The following VTCN1 variants were observed in gnomAD, a reference collection of about 807,000 sequenced individuals.
The protein encoded by VTCN1 is V-set domain-containing T-cell activation inhibitor 1.
In VTCN1, 26 loss-of-function variants were observed where a neutral mutation model predicts 26.5. The observed-to-expected ratio is 0.98, with a 90% CI of 0.72 to 1.36. The LOEUF is 1.36. Among genes scored for constraint, VTCN1 ranks in the 40% most tolerant of loss-of-function variants. The probability of loss-of-function intolerance (pLI) is 0.00; values close to 1 mark genes in which losing one functional copy is unlikely to be tolerated. For missense variants in VTCN1, 298 were observed against 337.7 expected (o/e 0.88, Z 0.92); for synonymous variants, 116 against 130.7 (o/e 0.89, Z 0.77).
In VTCN1 at chr1:117,143,843, G is replaced by C. The variant is rs1357418269; in HGVS notation, c.*1428C>G. ...TGTGCTTCATGGAAGGTATATGTTT[G>C]TTGCCTTAATTTGAATTGTGGCCAG... On this transcript the variant is annotated 3_prime_UTR_variant, in exon 6 of 6. Transcript: ENST00000369458. 7.2e-5 allele frequency: 11 copies of C among 152,182 alleles called. No homozygotes were observed. The highest frequency in any genetic ancestry group is 7.2e-4 in the Admixed American group (11 of 15,284). The allele number at this position is 152,182 out of a possible 1,614,324, so 9.4% of individuals were successfully genotyped here.
rs1460876922 is a variant in VTCN1, at chr1:117,145,218, G to A, written c.*53C>T. The A allele has an allele frequency of 1.3e-5, 2 of 152,176 alleles. No individual in the cohort carries two copies. Among genetic ancestry groups the A allele is most frequent in the African/African-American group, 4.8e-5 (2 of 41,430 alleles). 9.4% of individuals were successfully genotyped at this position (152,176 alleles called of 1,614,324 possible). ...TCATATCTGGTGGTGAAATAGTTCT[G>A]TAGATCCCTGGGATTGTGGAAATAA... On this transcript the variant is annotated 3_prime_UTR_variant, in exon 6 of 6. Transcript: ENST00000369458. This position sits in a 1 kb window ranked among gnomAD's most constrained non-coding sequence, Gnocchi z 4.6.
Position 117,169,030 on chromosome 1 carries a change from A to G in VTCN1, c.97+1077T>C, listed in dbSNP as rs1053287563. 6.6e-6 allele frequency among the ~76,000 whole-genome samples: 1 copy of G among 152,266 alleles called. No homozygotes were observed. The highest frequency in any genetic ancestry group is 1.5e-5 in the Non-Finnish European group (1 of 68,046). Reference sequence around the variant, plus strand: ...GCCAGCATGTCTACACTGGAGAAGCATGGCAGAAAGGCCACTGGAATATAG... The same window carrying G: ...GCCAGCATGTCTACACTGGAGAAGCGTGGCAGAAAGGCCACTGGAATATAG... On this transcript the variant is annotated intron_variant, in intron 2 of 5. Coordinates refer to ENST00000369458, the MANE Select transcript of VTCN1 (RefSeq NM_024626.4). This position sits in a 1 kb window ranked among gnomAD's most constrained non-coding sequence, Gnocchi z 4.0.
intron 1 of VTCN1, among the ~76,000 whole-genome samples, chr1:117,205,051 GTA>G (rs569088045): frequency 1.8e-3 from 260 of 146,866 alleles, no homozygotes; most frequent in African/African-American, 6.3e-3. Context: ...TCCTGTATAT[GTA>G]TATATATGTA....
intron 1 of VTCN1, among the ~76,000 whole-genome samples, chr1:117,198,157 A>G (rs574615829): frequency 2.0e-4 from 30 of 152,120 alleles, no homozygotes; most frequent in African/African-American, 7.0e-4. Flanking sequence ...CTACCTTTCA[A>G]CTCTCATCTT....
chr1:117,166,480 C>A (rs1388178523), intron 2 of VTCN1, among the ~76,000 whole-genome samples: 2 of 151,904 alleles, frequency 1.3e-5, no homozygotes, highest in East Asian at 1.9e-4. Context: ...AGTGGCCTGG[C>A]GCGGTGGCTC....
In VTCN1 at chr1:117,175,075, A is replaced by T. The variant is rs1226327803; in HGVS notation, c.33-4904T>A. Among the ~76,000 whole-genome samples the T allele has an allele frequency of 6.6e-6, 1 of 151,710 alleles. No homozygotes were observed. The highest frequency in any genetic ancestry group is 2.4e-5 in the African/African-American group (1 of 40,966). On this transcript the variant is annotated intron_variant, in intron 1 of 5. Transcript: ENST00000369458. This position sits in a 1 kb window ranked among gnomAD's most constrained non-coding sequence, Gnocchi z 4.2. ...GGAGGGCCTGGTTCGATTCCCTCACATGCCTGCTTCAGCTGCTGCTGCCTT... is the reference window on the plus strand; with the variant it reads ...GGAGGGCCTGGTTCGATTCCCTCACTTGCCTGCTTCAGCTGCTGCTGCCTT...
intron 2 of VTCN1, among the ~76,000 whole-genome samples, chr1:117,164,824 G>A (rs994363448): frequency 5.9e-5 from 9 of 152,188 alleles, no homozygotes; most frequent in Admixed American, 4.6e-4. Context: ...CTTCCTTCTC[G>A]AAGGCTTATC....
intron 1 of VTCN1, among the ~76,000 whole-genome samples, chr1:117,197,896 A>G (rs1360147065): frequency 6.6e-6 from 1 of 152,150 alleles, no homozygotes; most frequent in Non-Finnish European, 1.5e-5. Context: ...AGTCTAAGTC[A>G]AGGGCTGTAC....
chr1:117,193,917 C>A (rs1478005127), intron 1 of VTCN1, among the ~76,000 whole-genome samples: 1 of 151,928 alleles, frequency 6.6e-6, no homozygotes, highest in East Asian at 1.9e-4. Context: ...CTCAAACTAC[C>A]AGAAGAAAAT....
intron 4 of VTCN1, among the ~76,000 whole-genome samples, chr1:117,149,067 G>T (rs1651658893): frequency 6.6e-6 from 1 of 152,212 alleles, no homozygotes; most frequent in Non-Finnish European, 1.5e-5. Context: ...AAGAGTGAAA[G>T]AGGGAGGAAG....
intron 1 of VTCN1, among the ~76,000 whole-genome samples, chr1:117,181,287 T>G (rs1383741346): frequency 6.6e-6 from 1 of 152,054 alleles, no homozygotes; most frequent in Admixed American, 6.6e-5. Flanking sequence ...TTATTTTTAC[T>G]TTTCACTATT....
At chr1:117,204,303 C>T (rs1648935207) in intron 1 of VTCN1, among the ~76,000 whole-genome samples, 2 of 152,130 alleles carry the variant, frequency 1.3e-5, no homozygotes, top group Admixed American at 1.3e-4. Flanking sequence ...ATTATTAATG[C>T]CCAATTTACT....
At chr1:117,179,184 A>G (rs2101549605) in intron 1 of VTCN1, among the ~76,000 whole-genome samples, 1 of 152,292 alleles carries the variant, frequency 6.6e-6, no homozygotes, top group African/African-American at 2.4e-5. Flanking sequence ...ATTGGGGGTC[A>G]TCCTGTGCAC....
chr1:117,173,990 G>A (rs1305450132), intron 1 of VTCN1, among the ~76,000 whole-genome samples: 1 of 152,200 alleles, frequency 6.6e-6, no homozygotes, highest in African/African-American at 2.4e-5. Context: ...ATTCCCTTGG[G>A]AAACAATTCA....
intron 2 of VTCN1, among the ~76,000 whole-genome samples, chr1:117,157,449 G>A (rs1422820627): frequency 2.0e-5 from 3 of 152,180 alleles, no homozygotes; most frequent in East Asian, 3.9e-4. Flanking sequence ...ACATGGTGGT[G>A]GCAAGAGAAA....
chr1:117,197,978 C>T (rs1435010218), intron 1 of VTCN1, among the ~76,000 whole-genome samples: 1 of 152,140 alleles, frequency 6.6e-6, no homozygotes, highest in Admixed American at 6.5e-5. Flanking sequence ...TGTACCAATG[C>T]CCCTGAAAGT....
intron 1 of VTCN1, among the ~76,000 whole-genome samples, chr1:117,172,116 G>A (rs2101526417): frequency 6.6e-6 from 1 of 152,216 alleles, no homozygotes; most frequent in Admixed American, 6.5e-5. Flanking sequence ...CAACACCCAC[G>A]CTGATGTTAC....
At chr1:117,182,460 C>T (rs984994660) in intron 1 of VTCN1, among the ~76,000 whole-genome samples, 7 of 152,144 alleles carry the variant, frequency 4.6e-5, no homozygotes, top group African/African-American at 1.7e-4. Context: ...CCAGACCCAC[C>T]CCTTGAGGGC....
At chr1:117,185,065 T>A (rs1426944431) in intron 1 of VTCN1, among the ~76,000 whole-genome samples, 1 of 152,168 alleles carries the variant, frequency 6.6e-6, no homozygotes, top group African/African-American at 2.4e-5. Context: ...CTTAAGAAGT[T>A]AGGATAAATA....
Sources: gnomAD v4.1 joint callset for allele counts (sites outside exome capture counted in the v4.1 genomes callset) on GRCh38, gnomAD v4.1.1 for gene constraint, Gnocchi (gnomAD v3.1) non-coding constraint, MANE v1.5 for transcripts, NCBI Gene and HGNC (gene_info 2026-07-23, HGNC 2026-07-21) for gene names.